The following EBF4 variants were observed in gnomAD, a reference collection of about 807,000 sequenced individuals.
EBF4 encodes EBF transcription factor 4.
In EBF4, 34 loss-of-function variants were observed where a neutral mutation model predicts 67.1. The observed-to-expected ratio is 0.51, with a 90% CI of 0.39 to 0.67. The LOEUF (loss-of-function observed/expected upper bound fraction) is 0.67. EBF4 is among the 30% of genes least tolerant of loss of function. The probability of loss-of-function intolerance (pLI) is 0.00; values close to 1 mark genes in which losing one functional copy is unlikely to be tolerated. For synonymous variants in EBF4, 387 were observed against 377.7 expected (o/e 1.02, Z -0.29); for missense variants, 837 against 873.3 (o/e 0.96, Z 0.52).
chr20:2,697,253 G>A (rs554110227), intron 1 of EBF4, among the ~76,000 whole-genome samples: 6 of 152,274 alleles, frequency 3.9e-5, no homozygotes, highest in South Asian at 2.1e-4. Context: ...GAGCAAAAGA[G>A]GGGTAGGGAG....
At chr20:2,743,974 C>T (rs2088007059) in intron 6 of EBF4, among the ~76,000 whole-genome samples, 1 of 152,144 alleles carries the variant, frequency 6.6e-6, no homozygotes, top group African/African-American at 2.4e-5. Context: ...TATTTGTACC[C>T]TATAACCCAC....
At chr20:2,736,251 A>G (rs2087875233) in intron 6 of EBF4, among the ~76,000 whole-genome samples, 2 of 152,128 alleles carry the variant, frequency 1.3e-5, no homozygotes, top group Admixed American at 1.3e-4. Context: ...GCTGGGGGCT[A>G]TGGATACTCC....
Position 2,747,830 on chromosome 20 carries a change from G to A in EBF4, c.558-719G>A, listed in dbSNP as rs1203786352. On this transcript the variant is annotated intron_variant, in intron 6 of 16. Coordinates refer to ENST00000609451, the Ensembl canonical transcript of EBF4. This position sits in a 1 kb window ranked among gnomAD's most constrained non-coding sequence, Gnocchi z 4.6. ...AGGGTGGGCATACACCGTGCATGATGGGTACAGGCTCTGTGTCTGCTTAGT... is the reference window on the plus strand; with the variant it reads ...AGGGTGGGCATACACCGTGCATGATAGGTACAGGCTCTGTGTCTGCTTAGT... Among the ~76,000 whole-genome samples, 4 of 152,180 alleles carry A rather than the reference G, an allele frequency of 2.6e-5. No individual in the cohort carries two copies. Among genetic ancestry groups the A allele is most frequent in the African/African-American group, 9.7e-5 (4 of 41,428 alleles).
intron 6 of EBF4, among the ~76,000 whole-genome samples, chr20:2,732,069 A>G (rs937111626): frequency 2.0e-5 from 3 of 149,796 alleles, no homozygotes; most frequent in African/African-American, 7.3e-5. Context: ...TTTTTGCTTC[A>G]TGCATTTTGG....
chr20:2,728,567 G>A (rs538975107), intron 6 of EBF4, among the ~76,000 whole-genome samples: 2 of 152,266 alleles, frequency 1.3e-5, no homozygotes, highest in South Asian at 4.1e-4. Flanking sequence ...GTGACACAGT[G>A]GCAATCTGTC....
chr20:2,726,853 T>A (rs1379885128), intron 6 of EBF4, among the ~76,000 whole-genome samples: 1 of 152,154 alleles, frequency 6.6e-6, no homozygotes, highest in Non-Finnish European at 1.5e-5. Context: ...AGTGTTATAT[T>A]CAAATTGTTG....
chr20:2,755,622 CGGAGTCATGCCCTCTAG>C lies in EBF4; in HGVS notation c.1541-4_1553del. On this transcript the variant is annotated splice_acceptor_variant and splice_polypyrimidine_tract_variant and coding_sequence_variant and intron_variant, in exon 15 of 17. Coordinates refer to ENST00000609451, the Ensembl canonical transcript of EBF4. LOFTEE classifies it high-confidence loss of function. The surrounding 1 kb of genome is among the most constrained non-coding windows in gnomAD (Gnocchi z 4.7). ...GCGCCTGCCCCTCCCCGCCCCGCCCCGGAGTCATGCCCTCTAGCCCCCCGCTGGCGGCTGCCTCCTCC... is the reference window on the plus strand; with the variant it reads ...GCGCCTGCCCCTCCCCGCCCCGCCCCCCCCCCGCTGGCGGCTGCCTCCTCC... 3 of 1,439,268 alleles carry C rather than the reference CGGAGTCATGCCCTCTAG, an allele frequency of 2.1e-6. No homozygotes were observed. The highest frequency in any genetic ancestry group is 9.5e-7 in the Non-Finnish European group (1 of 1,050,324). The allele number at this position is 1,439,268 out of a possible 1,614,324, so 89.2% of individuals were successfully genotyped here. A position where few individuals can be genotyped will look rare whatever the true frequency, so the allele number is the denominator to read the frequency against.
chr20:2,693,547 G>C, upstream of EBF4: 1 of 1,272,870 alleles, frequency 7.9e-7, no homozygotes, highest in Non-Finnish European at 1.0e-6. This position sits in a 1 kb window ranked among gnomAD's most constrained non-coding sequence, Gnocchi z 4.6. Flanking sequence ...TGCGCTGCTG[G>C]AGGCGCCTGG....
intron 1 of EBF4, among the ~76,000 whole-genome samples, chr20:2,703,036 G>A (rs1361384098): frequency 6.6e-6 from 1 of 152,128 alleles, no homozygotes; most frequent in Non-Finnish European, 1.5e-5. Context: ...AGCACTTTGG[G>A]AGGCCAAGAT....
At chr20:2,715,370 T>G (rs1324198908) in intron 6 of EBF4, among the ~76,000 whole-genome samples, 1 of 152,232 alleles carries the variant, frequency 6.6e-6, no homozygotes, top group Non-Finnish European at 1.5e-5. Context: ...TTTGTTGTAT[T>G]TAGCTGTAGT....
At chr20:2,757,646 A>G (rs1157648497) in intron 15 of EBF4, among the ~76,000 whole-genome samples, 1 of 152,210 alleles carries the variant, frequency 6.6e-6, no homozygotes, top group East Asian at 1.9e-4. Flanking sequence ...CCACGTTCAA[A>G]ACATTAAGAA....
chr20:2,752,102 G>A, exon 13 of EBF4: 1 of 1,460,042 alleles, frequency 6.8e-7, no homozygotes, highest in Admixed American at 2.8e-5. Context: ...CTCCTGAAGC[G>A]CGCGGCGGAC....
intron 6 of EBF4, among the ~76,000 whole-genome samples, chr20:2,713,782 G>T (rs555646358): frequency 6.6e-6 from 1 of 152,302 alleles, no homozygotes; most frequent in East Asian, 1.9e-4. Context: ...GGGGCCAAAG[G>T]ATTGTTGGAG....
intron 1 of EBF4, among the ~76,000 whole-genome samples, chr20:2,701,463 G>A (rs1437376934): frequency 1.3e-5 from 2 of 152,254 alleles, no homozygotes; most frequent in South Asian, 4.1e-4. Flanking sequence ...GCTTATGCCA[G>A]ACTTCCCAGG....
At chr20:2,708,294 A>C (rs2087488486) in intron 5 of EBF4, among the ~76,000 whole-genome samples, 1 of 152,196 alleles carries the variant, frequency 6.6e-6, no homozygotes, top group African/African-American at 2.4e-5. Context: ...TGGGAAGCTT[A>C]GCTAATAAAG....
In EBF4 at chr20:2,693,736, T is replaced by C. The variant is rs1279850505; in HGVS notation, c.91T>C (p.Trp31Arg). Residue 31 changes from tryptophan to arginine, a missense_variant, in exon 1 of 17, where the codon TGG becomes CGG. Trp to Arg is a moderately radical substitution (Grantham distance 101, BLOSUM62 -3). Around this residue, in one of 3 missense-constraint regions of EBF4, gnomAD observed 86 missense variants for 70.3 expected, o/e 1.22. Coordinates refer to ENST00000609451, the Ensembl canonical transcript of EBF4. The surrounding 1 kb of genome is among the most constrained non-coding windows in gnomAD (Gnocchi z 4.6). Reference sequence around the variant, plus strand: ...CGCCGGCCTGGGCTCAGTGCGCTCCTGGATGCAGGGCGCGGGCATCCTGGA... The same window carrying C: ...CGCCGGCCTGGGCTCAGTGCGCTCCCGGATGCAGGGCGCGGGCATCCTGGA... 5.1e-6 allele frequency: 7 copies of C among 1,362,744 alleles called. No homozygotes were observed. The highest frequency in any genetic ancestry group is 6.6e-6 in the Non-Finnish European group (7 of 1,062,564). 84.4% of individuals were successfully genotyped at this position (1,362,744 alleles called of 1,614,324 possible). A position where few individuals can be genotyped will look rare whatever the true frequency, so the allele number is the denominator to read the frequency against.
chr20:2,723,764 G>A (rs1278849038), intron 6 of EBF4, among the ~76,000 whole-genome samples: 1 of 145,764 alleles, frequency 6.9e-6, no homozygotes, highest in Non-Finnish European at 1.5e-5. Context: ...TTTTATTGGT[G>A]TATAGGTGAC....
exon 9 of EBF4, chr20:2,749,652 G>A (rs2146497838): frequency 6.4e-7 from 1 of 1,566,350 alleles, no homozygotes; most frequent in Non-Finnish European, 8.6e-7. Flanking sequence ...CATCAGCCCC[G>A]GGGAGGGCTG....
intron 1 of EBF4, among the ~76,000 whole-genome samples, chr20:2,704,607 T>C (rs2087424709): frequency 6.6e-6 from 1 of 152,240 alleles, no homozygotes; most frequent in African/African-American, 2.4e-5. Flanking sequence ...CCTCAAGGAC[T>C]TAGGGGAAAG....
Sources: gnomAD v4.1 joint callset for allele counts (sites outside exome capture counted in the v4.1 genomes callset) on GRCh38, gnomAD v4.1.1 for gene constraint, gnomAD v4.1.1 regional missense constraint, Gnocchi (gnomAD v3.1) non-coding constraint, MANE v1.5 for transcripts, NCBI Gene and HGNC (gene_info 2026-07-23, HGNC 2026-07-21) for gene names.